Variants in MTMR10 observed in about 807,000 individuals in gnomAD.
MTMR10 encodes myotubularin related protein 10, also known as myotubularin-related protein 10.
Under a neutral mutation model 88.1 loss-of-function variants are expected in MTMR10, and 56 were observed. That is an observed-to-expected ratio of 0.64 (90% CI 0.51 to 0.79). The LOEUF is 0.79. MTMR10 is among the 30% of genes least tolerant of loss of function. The pLI is 0.00. For synonymous variants in MTMR10, 380 were observed against 340.9 expected (o/e 1.11, Z -1.26); for missense variants, 883 against 924.7 (o/e 0.95, Z 0.58).
rs1595900437 is a variant in MTMR10 at position 30,940,991 on chromosome 15, C to T, written c.*479G>A. ...AAATTCTGGCCCCAGAACACTGAACCTTCATCAGGTGAGTTCAATTAGAGA... is the reference window on the plus strand; with the variant it reads ...AAATTCTGGCCCCAGAACACTGAACTTTCATCAGGTGAGTTCAATTAGAGA... On this transcript the variant is annotated 3_prime_UTR_variant, in exon 16 of 16. Transcript: ENST00000435680. 18 of 1,135,376 alleles carry T rather than the reference C, an allele frequency of 1.6e-5. No homozygotes were observed. In the South Asian group the frequency reaches 2.9e-4, roughly 18 times the overall value. 70.3% of individuals were successfully genotyped at this position (1,135,376 alleles called of 1,614,324 possible).
chr15:30,922,494 C>T, the MTMR10 span: 199 of 892,458 alleles, frequency 2.2e-4, 1 homozygote, highest in Non-Finnish European at 3.4e-6. Flanking sequence ...TGTCTGTGTT[C>T]TTCCAACCCC....
chr15:30,976,753 A>G, intron 3 of MTMR10, 66 bp downstream of exon 3: 1 of 1,500,972 alleles, frequency 6.7e-7, no homozygotes, highest in East Asian at 2.3e-5. Flanking sequence ...TATGTTTTAT[A>G]TAATAATATG....
At chr15:30,928,357 T>TC in the MTMR10 span, 1 of 1,341,486 alleles carries the variant, frequency 7.5e-7, no homozygotes, top group African/African-American at 1.5e-5. Flanking sequence ...CTTAAGGCTC[T>TC]GTATATAAAC....
the MTMR10 span, among the ~76,000 whole-genome samples, chr15:30,931,710 T>C: frequency 6.6e-6 from 1 of 152,174 alleles, no homozygotes; most frequent in Non-Finnish European, 1.5e-5. Context: ...CTCTGTATCT[T>C]TGTCAAAAAT....
At chr15:30,989,560 C>T (rs1297895603) in intron 2 of MTMR10, among the ~76,000 whole-genome samples, 2 of 151,716 alleles carry the variant, frequency 1.3e-5, no homozygotes, top group African/African-American at 4.8e-5. Context: ...CTGATAGTAG[C>T]CACACAAACT....
In MTMR10 at chr15:30,939,279, G is replaced by T. The variant is rs371113031; in HGVS notation, c.*2191C>A. 11 of 985,404 alleles carry T rather than the reference G, an allele frequency of 1.1e-5. No homozygotes were observed. In the East Asian group the frequency reaches 3.4e-4, roughly 31 times the overall value. The allele number at this position is 985,404 out of a possible 1,614,324, so 61.0% of individuals were successfully genotyped here. On this transcript the variant is annotated 3_prime_UTR_variant, in exon 16 of 16. Transcript: ENST00000435680. ...CTGTACACCTTTACGTTCAATACTA[G>T]AAATTTCACCCAGTGCATCAGCATC... is the stretch of plus-strand genomic sequence containing the variant.
rs577643159 is a variant in MTMR10, at chr15:30,940,340, T to G, written c.*1130A>C. On this transcript the variant is annotated 3_prime_UTR_variant, in exon 16 of 16. Coordinates refer to ENST00000435680, the MANE Select transcript of MTMR10 (RefSeq NM_017762.3). ...GTCTGCTCATTCTCCTCAACTTTGCTGTCCAAAGTTGGGGGCTGGGGGAGC... is the reference window on the plus strand; with the variant it reads ...GTCTGCTCATTCTCCTCAACTTTGCGGTCCAAAGTTGGGGGCTGGGGGAGC... 15 of 985,256 alleles carry G rather than the reference T, an allele frequency of 1.5e-5. No homozygotes were observed. The highest frequency in any genetic ancestry group is 1.7e-5 in the Non-Finnish European group (14 of 829,858). The allele number at this position is 985,256 out of a possible 1,614,324, so 61.0% of individuals were successfully genotyped here.
chr15:30,976,737 C>T (rs2030180624), intron 3 of MTMR10, 82 bp downstream of exon 3: 3 of 1,425,858 alleles, frequency 2.1e-6, no homozygotes, highest in South Asian at 1.4e-5. Flanking sequence ...ATAACTTTTC[C>T]ATACCTATGT....
In MTMR10 at chr15:30,961,967, A is replaced by G. The variant is rs145276444; in HGVS notation, c.566-894T>C. ...CATCCAACAATCATCTCTGTCCTCA[A>G]GCCCTTCAAATCTTTAATTTTTCTA... is the stretch of plus-strand genomic sequence containing the variant. On this transcript the variant is annotated intron_variant, in intron 6 of 15. Transcript: ENST00000435680. Among the ~76,000 whole-genome samples, 3 of 152,290 alleles carry G rather than the reference A, an allele frequency of 2.0e-5. No individual in the cohort carries two copies. The East Asian group carries it at 5.8e-4, about 29-fold the overall frequency.
chr15:30,923,925 G>A, the MTMR10 span, among the ~76,000 whole-genome samples: 1 of 152,102 alleles, frequency 6.6e-6, no homozygotes, highest in South Asian at 2.1e-4. Flanking sequence ...TACTCATAGT[G>A]TTGTGTGACC....
intron 2 of MTMR10, among the ~76,000 whole-genome samples, chr15:30,986,677 A>C (rs2030961623): frequency 6.6e-6 from 1 of 152,070 alleles, no homozygotes; most frequent in African/African-American, 2.4e-5. Flanking sequence ...TAATTTTCTC[A>C]CTTTGACCAA....
At chr15:30,976,238 A>C (rs1265817902) in intron 3 of MTMR10, among the ~76,000 whole-genome samples, 1 of 151,952 alleles carries the variant, frequency 6.6e-6, no homozygotes, top group Non-Finnish European at 1.5e-5. Flanking sequence ...CCATCTCTAC[A>C]AAAAAATACA....
chr15:30,938,545 C>A (rs184616524), downstream of MTMR10, among the ~76,000 whole-genome samples: 6 of 152,228 alleles, frequency 3.9e-5, no homozygotes, highest in East Asian at 1.9e-4. Context: ...ACAGTCAAAT[C>A]GGCTGCTCAT....
chr15:30,923,755 C>T, the MTMR10 span, among the ~76,000 whole-genome samples: 3 of 152,240 alleles, frequency 2.0e-5, no homozygotes, highest in Non-Finnish European at 4.4e-5. Context: ...TTCCTTCAGC[C>T]ACTCAACTCT....
At chr15:30,954,270 G>A (rs531951382) in intron 10 of MTMR10, among the ~76,000 whole-genome samples, 78 of 152,266 alleles carry the variant, frequency 5.1e-4, no homozygotes, top group African/African-American at 1.9e-3. Flanking sequence ...AGGATCTCTT[G>A]AGGAGGACCC....
At chr15:30,958,978 C>T (rs2063364131) in intron 8 of MTMR10, 27 bp from the exon 9 acceptor site, 1 of 1,613,842 alleles carries the variant, frequency 6.2e-7, no homozygotes. Context: ...ATCCTTACTT[C>T]ACTGTGTAGA....
chr15:30,925,128 C>T, the MTMR10 span: 2 of 1,612,412 alleles, frequency 1.2e-6, no homozygotes, highest in Non-Finnish European at 1.7e-6. Flanking sequence ...CTCTGCCAGA[C>T]TATCAAGTGC....
At chr15:30,967,838 G>T (rs2063490085) in intron 6 of MTMR10, 82 bp downstream of exon 6, 1 of 1,128,856 alleles carries the variant, frequency 8.9e-7, no homozygotes, top group Non-Finnish European at 1.3e-6. Flanking sequence ...TAAAGCTCAT[G>T]TACTTGGAGG....
intron 2 of MTMR10, among the ~76,000 whole-genome samples, chr15:30,987,710 T>C (rs1241866106): frequency 6.6e-6 from 1 of 152,020 alleles, no homozygotes; most frequent in African/African-American, 2.4e-5. Context: ...TTTTAAGTTC[T>C]GGGATACATG....
Sources: allele counts gnomAD v4.1 joint callset (sites outside exome capture counted in the v4.1 genomes callset), GRCh38; gene constraint gnomAD v4.1.1; transcripts MANE v1.5; gene names NCBI Gene and HGNC (gene_info 2026-07-23, HGNC 2026-07-21).